Variants in MAX observed in about 807,000 individuals in gnomAD.
MAX encodes the protein MYC associated transcriptional regulator X.
Under a neutral mutation model 22.3 loss-of-function variants are expected in MAX, and 3 were observed. The observed-to-expected ratio is 0.13, with a 90% confidence interval of 0.06 to 0.35. The LOEUF (loss-of-function observed/expected upper bound fraction) is 0.35, where lower values mean the gene tolerates loss of function less well. Among genes scored for constraint, MAX ranks in the 10% least tolerant of loss-of-function variants. MAX has a pLI of 1.00. For missense variants in MAX, 119 were observed against 209.4 expected (o/e 0.57, Z 2.66); for synonymous variants, 72 against 77.7 (o/e 0.93, Z 0.39).
chr14:65,085,940 A>T (rs1287938997), intron 3 of MAX, among the ~76,000 whole-genome samples: 6 of 152,222 alleles, frequency 3.9e-5, no homozygotes, highest in Non-Finnish European at 8.8e-5. Context: ...CTTGAATTTA[A>T]CTCCCACAAT....
intron 3 of MAX, among the ~76,000 whole-genome samples, chr14:65,049,369 A>G (rs1402270968): frequency 6.6e-6 from 1 of 152,184 alleles, no homozygotes; most frequent in Non-Finnish European, 1.5e-5. Flanking sequence ...TGATTTTTTT[A>G]GATAAAAGGA....
At chr14:65,024,723 T>G (rs535901510) in intron 3 of MAX, among the ~76,000 whole-genome samples, 1 of 152,340 alleles carries the variant, frequency 6.6e-6, no homozygotes, top group African/African-American at 2.4e-5. Flanking sequence ...TTGTAATTTT[T>G]TATTTATTGG....
intron 1 of MAX, 141 bp downstream of exon 1, chr14:65,102,163 G>T (rs2139973788): frequency 6.8e-7 from 1 of 1,477,228 alleles, no homozygotes; most frequent in East Asian, 2.5e-5. Context: ...CCGGGAACGC[G>T]ACGGAGGCAC....
At chr14:65,091,280 G>A (rs2063502399) in intron 3 of MAX, among the ~76,000 whole-genome samples, 1 of 152,170 alleles carries the variant, frequency 6.6e-6, no homozygotes, top group South Asian at 2.1e-4. Context: ...TTCGACTCAC[G>A]GCACCTATGA....
rs570912983 is a variant in MAX, at chr14:65,076,719, G to A, written c.296-56C>T. 183 of 1,597,380 alleles carry A rather than the reference G, an allele frequency of 1.1e-4. 1 individual carries two copies. In the African/African-American group the frequency reaches 2.0e-3, roughly 18 times the overall value. On this transcript the variant is annotated intron_variant, in intron 4 of 4. Coordinates refer to ENST00000358664, the MANE Select transcript of MAX (RefSeq NM_002382.5). The surrounding 1 kb of genome is among the most constrained non-coding windows in gnomAD (Gnocchi z 6.6). ...CCTTCTGGAGACTTGGGGAGTAACC[G>A]AGTCTCAGACTCAGGGTCCAGCCTG... is the stretch of plus-strand genomic sequence containing the variant.
At chr14:65,021,472 A>C (rs2061885226) in intron 3 of MAX, among the ~76,000 whole-genome samples, 2 of 152,052 alleles carry the variant, frequency 1.3e-5, no homozygotes, top group African/African-American at 4.8e-5. Context: ...CTTACCTTTC[A>C]GTGAGGACAC....
chr14:65,071,286 C>G (rs116409768), downstream of MAX, among the ~76,000 whole-genome samples: 70 of 152,204 alleles, frequency 4.6e-4, no homozygotes, highest in African/African-American at 1.6e-3. The surrounding 1 kb of genome is among the most constrained non-coding windows in gnomAD (Gnocchi z 4.2). Context: ...GGACCACAGG[C>G]ATGCAACACT....
Position 65,058,612 on chromosome 14 carries a change from A to G in MAX, c.171+35096T>C, listed in dbSNP as rs574180063. ...TGTAAGGTTGTGATAGTTACATTAT[A>G]TCAAGTTAGTGATATTCACTTTTAT... On this transcript the variant is annotated intron_variant, in intron 3 of 3. Transcript: ENST00000341653. Among the ~76,000 whole-genome samples, 44 of 152,366 alleles carry G rather than the reference A, an allele frequency of 2.9e-4. 1 individual carries two copies. The South Asian group carries it at 8.9e-3, about 31-fold the overall frequency.
intron 1 of MAX, among the ~76,000 whole-genome samples, chr14:65,101,869 C>T (rs2063853241): frequency 6.6e-6 from 1 of 152,202 alleles, no homozygotes; most frequent in Non-Finnish European, 1.5e-5. Flanking sequence ...CACCCCCAAC[C>T]CCTCTCCGCC....
At position 65,077,189 on chromosome 14, in the gene MAX, C is replaced by A; in HGVS notation, c.296-526G>T. On this transcript the variant is annotated intron_variant, in intron 4 of 4. Transcript: ENST00000358664. The surrounding 1 kb of genome is among the most constrained non-coding windows in gnomAD (Gnocchi z 6.3). ...TAAAATACCTGGGCTTTTCAAATAG[C>A]CCCTACATGCAGGCTGCCTGGCCCA... The A allele has an allele frequency of 1.5e-6, 1 of 645,762 alleles. No individual in the cohort carries two copies. Among genetic ancestry groups the A allele is most frequent in the Non-Finnish European group, 2.8e-6 (1 of 362,586 alleles). 40.0% of individuals were successfully genotyped at this position (645,762 alleles called of 1,614,324 possible).
Position 65,089,993 on chromosome 14 carries a change from T to C in MAX, c.171+3715A>G, listed in dbSNP as rs1431931801. The C allele has an allele frequency of 2.0e-5, 3 of 152,118 alleles. 1 individual carries two copies. Among genetic ancestry groups the C allele is most frequent in the Non-Finnish European group, 4.4e-5 (3 of 67,990 alleles). 9.4% of individuals were successfully genotyped at this position (152,118 alleles called of 1,614,324 possible). A position where few individuals can be genotyped will look rare whatever the true frequency, so the allele number is the denominator to read the frequency against. ...GTCTACTTGCTAACTCTGGGACCTATGGCAAAACCCAAATGAACCACCAAC... is the reference window on the plus strand; with the variant it reads ...GTCTACTTGCTAACTCTGGGACCTACGGCAAAACCCAAATGAACCACCAAC... On this transcript the variant is annotated intron_variant, in intron 3 of 4. Coordinates refer to ENST00000358664, the MANE Select transcript of MAX (RefSeq NM_002382.5).
At chr14:65,055,062 G>A (rs1184625318) in intron 3 of MAX, among the ~76,000 whole-genome samples, 1 of 152,230 alleles carries the variant, frequency 6.6e-6, no homozygotes. Flanking sequence ...TGGCTGTACA[G>A]CCTGCCGCGT....
Position 65,054,691 on chromosome 14 carries a change from T to G in MAX, c.171+39017A>C. 6.2e-7 allele frequency: 1 copy of G among 1,605,260 alleles called. No homozygotes were observed. Among genetic ancestry groups the G allele is most frequent in the Non-Finnish European group, 8.5e-7 (1 of 1,175,826 alleles). On this transcript the variant is annotated intron_variant, in intron 3 of 3. Coordinates refer to the MAX transcript ENST00000341653. The surrounding 1 kb of genome is among the most constrained non-coding windows in gnomAD (Gnocchi z 4.4). ...CTGGGTGTGCCCGAAAACGCTCTGG[T>G]AAGACGGGTGCAGGGCTTCACACCC...
intron 3 of MAX, chr14:65,016,624 A>G (rs1274263868): frequency 6.6e-6 from 1 of 152,300 alleles, no homozygotes; most frequent in Non-Finnish European, 1.5e-5. Context: ...CCTCAGTCAC[A>G]TTGTCAGGTC....
chr14:65,019,447 A>G (rs1287584592), intron 3 of MAX, among the ~76,000 whole-genome samples: 1 of 152,184 alleles, frequency 6.6e-6, no homozygotes, highest in Non-Finnish European at 1.5e-5. Flanking sequence ...AGATCACACC[A>G]CTGCACTCCA....
At chr14:65,098,251 C>T (rs1185220580) in intron 2 of MAX, among the ~76,000 whole-genome samples, 1 of 152,190 alleles carries the variant, frequency 6.6e-6, no homozygotes, top group African/African-American at 2.4e-5. Context: ...ATGCATTGTG[C>T]AGCACTTTTG....
Position 65,054,798 on chromosome 14 carries a change from G to A in MAX, c.171+38910C>T. The A allele has an allele frequency of 8.1e-7, 1 of 1,234,172 alleles. No individual in the cohort carries two copies. Among genetic ancestry groups the A allele is most frequent in the Non-Finnish European group, 1.1e-6 (1 of 882,290 alleles). 76.5% of individuals were successfully genotyped at this position (1,234,172 alleles called of 1,614,324 possible). A position where few individuals can be genotyped will look rare whatever the true frequency, so the allele number is the denominator to read the frequency against. Reference sequence around the variant, plus strand: ...GCATTTCCTGTGTGGACAGGCGGAAGCTTGTGGTCCCTCTGCCCTTCGAGC... The same window carrying A: ...GCATTTCCTGTGTGGACAGGCGGAAACTTGTGGTCCCTCTGCCCTTCGAGC... On this transcript the variant is annotated intron_variant, in intron 3 of 3. Coordinates refer to the MAX transcript ENST00000341653. This position sits in a 1 kb window ranked among gnomAD's most constrained non-coding sequence, Gnocchi z 4.4.
rs991168888 is a variant in MAX, at chr14:65,009,291, C to G, written c.172-3007G>C. Among the ~76,000 whole-genome samples, 3 of 152,118 alleles carry G rather than the reference C, an allele frequency of 2.0e-5. No individual in the cohort carries two copies. Among genetic ancestry groups the G allele is most frequent in the Admixed American group, 6.6e-5 (1 of 15,262 alleles). On this transcript the variant is annotated intron_variant, in intron 3 of 3. Transcript: ENST00000341653. This position sits in a 1 kb window ranked among gnomAD's most constrained non-coding sequence, Gnocchi z 4.2. ...ACCAAGGTGTCAGCAGGCTTGGTTT[C>G]TCCTGAGGCTGCTGACTGGCTTCAC...
chr14:65,039,693 C>T (rs1327992940), intron 3 of MAX, among the ~76,000 whole-genome samples: 2 of 152,122 alleles, frequency 1.3e-5, no homozygotes, highest in African/African-American at 2.4e-5. Context: ...TAAAGGAATA[C>T]CTGAGGCTGG....
Sources: allele counts gnomAD v4.1 joint callset (sites outside exome capture counted in the v4.1 genomes callset), GRCh38; gene constraint gnomAD v4.1.1; non-coding constraint Gnocchi (gnomAD v3.1); transcripts MANE v1.5; gene names NCBI Gene and HGNC (gene_info 2026-07-23, HGNC 2026-07-21).